The following ZMYM2 variants were observed in gnomAD, a reference collection of about 807,000 sequenced individuals.
ZMYM2 encodes the protein zinc finger MYM-type containing 2.
ZMYM2 carries 56 observed loss-of-function variants against 162.8 expected under a neutral mutation model. That is an observed-to-expected ratio of 0.34 (90% CI 0.28 to 0.43). The LOEUF (loss-of-function observed/expected upper bound fraction) is 0.43. Among genes scored for constraint, ZMYM2 ranks in the 20% least tolerant of loss-of-function variants. ZMYM2 has a pLI of 1.00. For missense variants in ZMYM2, 1,275 were observed against 1,621.8 expected, an observed-to-expected ratio of 0.79 and a Z score of 3.67; for synonymous variants, 510 against 541.6, an observed-to-expected ratio of 0.94 and a Z score of 0.81.
upstream of ZMYM2, among the ~76,000 whole-genome samples, chr13:19,957,671 T>C (rs1297019091): frequency 3.9e-5 from 6 of 152,130 alleles, no homozygotes; most frequent in African/African-American, 1.2e-4. Flanking sequence ...CCATCAACCA[T>C]TGAGGACCAG....
chr13:19,957,558 T>C (rs1229377384), upstream of ZMYM2, among the ~76,000 whole-genome samples: 1 of 152,196 alleles, frequency 6.6e-6, no homozygotes, highest in African/African-American at 2.4e-5. Context: ...CCCGCCCTCC[T>C]CGGGCGCCTG....
the ZMYM2 span, among the ~76,000 whole-genome samples, chr13:19,891,338 G>A: frequency 6.6e-6 from 1 of 151,916 alleles, no homozygotes; most frequent in Non-Finnish European, 1.5e-5. Flanking sequence ...CAACCTTGAT[G>A]GCACCTTGAC....
intron 16 of ZMYM2, among the ~76,000 whole-genome samples, chr13:20,060,592 C>T (rs1016977254): frequency 1.3e-5 from 2 of 151,978 alleles, no homozygotes; most frequent in South Asian, 2.1e-4. Flanking sequence ...GCAGGAGAAT[C>T]GCTTGAACCC....
chr13:20,080,996 T>C lies in ZMYM2; in HGVS notation c.3454-1020T>C, dbSNP rs117387026. ...TATAAAAATAGGCATGGGCCAGATATGGCTCCAGGACTCTAGTTTCCTAAC... is the reference window on the plus strand; with the variant it reads ...TATAAAAATAGGCATGGGCCAGATACGGCTCCAGGACTCTAGTTTCCTAAC... On this transcript the variant is annotated intron_variant, in intron 21 of 24. Transcript: ENST00000610343. 7.2e-5 allele frequency among the ~76,000 whole-genome samples: 11 copies of C among 152,376 alleles called. No individual in the cohort carries two copies. The East Asian group carries it at 1.7e-3, about 24-fold the overall frequency.
At chr13:19,955,169 T>A (rs1954481029), upstream of ZMYM2, among the ~76,000 whole-genome samples, 1 of 148,750 alleles carries the variant, frequency 6.7e-6, no homozygotes, top group Admixed American at 6.7e-5. Flanking sequence ...TATTATTATT[T>A]GGATTATGCG....
intron 10 of ZMYM2, among the ~76,000 whole-genome samples, chr13:20,032,348 C>T (rs1216822554): frequency 6.6e-6 from 1 of 152,052 alleles, no homozygotes; most frequent in Non-Finnish European, 1.5e-5. Flanking sequence ...GCCAAGACTG[C>T]CCAGGCTGCC....
At position 19,990,638 on chromosome 13, in the gene ZMYM2, C is replaced by CT. The variant is rs1469551591; in HGVS notation, c.-10-2425_-10-2424insT. 5.3e-4 allele frequency among the ~76,000 whole-genome samples: 81 copies of CT among 152,228 alleles called. 2 individuals are homozygous for CT. Among genetic ancestry groups the CT allele is most frequent in the Non-Finnish European group, 2.6e-4 (18 of 68,012 alleles). On this transcript the variant is annotated intron_variant, in intron 2 of 24. Transcript: ENST00000610343. ...CCAAAATTAAGAAAATGCTACAAGA[C>CT]GTACAGTGAAAAATGCCTCTACCAC...
the ZMYM2 span, among the ~76,000 whole-genome samples, chr13:19,918,182 C>G: frequency 6.6e-6 from 1 of 152,068 alleles, no homozygotes; most frequent in East Asian, 1.9e-4. Context: ...TAGTGGCTCA[C>G]GCCTGTAATC....
chr13:19,994,102 C>G (rs1381376148), intron 3 of ZMYM2, among the ~76,000 whole-genome samples, 183 bp downstream of exon 3: 1 of 152,106 alleles, frequency 6.6e-6, no homozygotes, highest in Non-Finnish European at 1.5e-5. Flanking sequence ...TAGTATTTTT[C>G]TGTGGATTAC....
the ZMYM2 span, among the ~76,000 whole-genome samples, chr13:19,867,078 C>T: frequency 1.3e-3 from 192 of 152,208 alleles, 1 homozygote; most frequent in African/African-American, 4.3e-3. Flanking sequence ...TACAGCCAGG[C>T]GCGGTGGCTC....
chr13:20,023,565 C>A (rs976449063), intron 7 of ZMYM2, among the ~76,000 whole-genome samples: 1 of 152,184 alleles, frequency 6.6e-6, no homozygotes, highest in Non-Finnish European at 1.5e-5. Flanking sequence ...CCCATCATAT[C>A]TACGTTTTAC....
At chr13:20,064,855 C>A (rs184334855) in intron 19 of ZMYM2, among the ~76,000 whole-genome samples, 1 of 150,488 alleles carries the variant, frequency 6.6e-6, no homozygotes, top group Non-Finnish European at 1.5e-5. Context: ...TTAGTTGATA[C>A]CTCAACTAAA....
chr13:19,921,498 A>G, the ZMYM2 span, among the ~76,000 whole-genome samples: 1 of 152,104 alleles, frequency 6.6e-6, no homozygotes, highest in Admixed American at 6.6e-5. Flanking sequence ...ATTCCAGTAC[A>G]ATATTGATTA....
chr13:19,986,214 C>A (rs1351307313), intron 2 of ZMYM2, among the ~76,000 whole-genome samples: 1 of 151,000 alleles, frequency 6.6e-6, no homozygotes, highest in Non-Finnish European at 1.5e-5. Flanking sequence ...AACAAACAAA[C>A]AAAACAAACA....
intron 6 of ZMYM2, among the ~76,000 whole-genome samples, chr13:20,010,830 G>C (rs911393357): frequency 6.6e-6 from 1 of 152,010 alleles, no homozygotes; most frequent in Non-Finnish European, 1.5e-5. Flanking sequence ...TAATAGAGAC[G>C]GGGTTTCACC....
At chr13:20,073,446 C>T (rs1374335909) in intron 21 of ZMYM2, among the ~76,000 whole-genome samples, 1 of 152,174 alleles carries the variant, frequency 6.6e-6, no homozygotes, top group Non-Finnish European at 1.5e-5. Flanking sequence ...TTGGCCTAGA[C>T]ACTCATGTAG....
At chr13:19,937,715 G>A in the ZMYM2 span, among the ~76,000 whole-genome samples, 2 of 151,074 alleles carry the variant, frequency 1.3e-5, no homozygotes, top group South Asian at 2.1e-4. Flanking sequence ...GTATACATGT[G>A]CCATGTTGGT....
rs1353035031 is a variant in ZMYM2 at position 19,987,267 on chromosome 13, TA to T, written c.-10-5795del. Among the ~76,000 whole-genome samples the T allele has an allele frequency of 2.6e-5, 4 of 152,000 alleles. No individual in the cohort carries two copies. In the East Asian group the frequency reaches 7.7e-4, roughly 29 times the overall value. ...TAATGTAAATAAACAATGCAGCTCTTATTTTTTTTTTCTTGAGACAGAGTCT... is the reference window on the plus strand; with the variant it reads ...TAATGTAAATAAACAATGCAGCTCTTTTTTTTTTTTCTTGAGACAGAGTCT... On this transcript the variant is annotated intron_variant, in intron 2 of 24. Transcript: ENST00000610343.
At position 19,993,535 on chromosome 13, in the gene ZMYM2, T is replaced by C. The variant is rs1423363668; in HGVS notation, c.463T>C (p.Phe155Leu). ...TAAAAACAGAACCAATGATGTGGATTTCTCCACTTCCAGTTTTTCAAGAAG... is the reference window on the plus strand; with the variant it reads ...TAAAAACAGAACCAATGATGTGGATCTCTCCACTTCCAGTTTTTCAAGAAG... The part of the protein sequence containing the change: ...ETKNRTNDVD[F>L]STSSFSRSKV... Residue 155 changes from phenylalanine (F) to leucine (L), a missense_variant, in exon 3 of 25, where the codon TTC becomes CTC. By Grantham distance (22) the Phe-to-Leu change is conservative. Around this residue, in one of 10 missense-constraint regions of ZMYM2, gnomAD observed 295 missense variants for 286.7 expected, o/e 1.03. Transcript: ENST00000610343. The C allele has an allele frequency of 6.2e-7, 1 of 1,614,008 alleles. No individual in the cohort carries two copies. The highest frequency in any genetic ancestry group is 8.5e-7 in the Non-Finnish European group (1 of 1,179,966).
Sources: allele counts gnomAD v4.1 joint callset (sites outside exome capture counted in the v4.1 genomes callset), GRCh38; gene constraint gnomAD v4.1.1; regional missense constraint gnomAD v4.1.1; transcripts MANE v1.5; gene names NCBI Gene and HGNC (gene_info 2026-07-23, HGNC 2026-07-21).